Variants in TAOK3 observed in about 807,000 individuals in gnomAD.
TAOK3 encodes the protein TAO kinase 3.
In TAOK3, 40 loss-of-function variants were observed where a neutral mutation model predicts 120.4. That is an observed-to-expected ratio of 0.33 (90% CI 0.26 to 0.43). The LOEUF (loss-of-function observed/expected upper bound fraction) is 0.43, where lower values mean the gene tolerates loss of function less well. Among genes scored for constraint, TAOK3 ranks in the 20% least tolerant of loss-of-function variants. TAOK3 has a pLI of 1.00. For synonymous variants in TAOK3, 355 were observed against 387.5 expected, an observed-to-expected ratio of 0.92 and a Z score of 0.99; for missense variants, 821 against 1,112.1, an observed-to-expected ratio of 0.74 and a Z score of 3.72.
At chr12:118,266,185 GATTTTT>G (rs765627739) in intron 2 of TAOK3, among the ~76,000 whole-genome samples, 1 of 151,944 alleles carries the variant, frequency 6.6e-6, no homozygotes, top group Non-Finnish European at 1.5e-5. Context: ...GAAACTCAAA[GATTTTT>G]ATTTTTATTT....
Position 118,371,436 on chromosome 12 carries a change from T to C in TAOK3, c.-194+1212A>G, listed in dbSNP as rs2045888744. Among the ~76,000 whole-genome samples the C allele has an allele frequency of 6.6e-6, 1 of 152,054 alleles. No homozygotes were observed. The highest frequency in any genetic ancestry group is 2.4e-5 in the African/African-American group (1 of 41,394). The stretch of plus-strand genomic sequence containing the variant: ...CGCAGGTCTCTTGATCATTCCAAGA[T>C]CTTTGTCCTGCAGCCAGCCCCACCA... On this transcript the variant is annotated intron_variant, in intron 1 of 20. Coordinates refer to ENST00000392533, the MANE Select transcript of TAOK3 (RefSeq NM_016281.4). This position sits in a 1 kb window ranked among gnomAD's most constrained non-coding sequence, Gnocchi z 5.5.
Position 118,255,546 on chromosome 12 carries a change from C to T in TAOK3, c.22G>A (p.Asp8Asn). 1 of 1,614,026 alleles carries T rather than the reference C, an allele frequency of 6.2e-7. No homozygotes were observed. Among genetic ancestry groups the T allele is most frequent in the Non-Finnish European group, 8.5e-7 (1 of 1,179,932 alleles). The change falls in exon 3 of 21, where the codon GAC becomes AAC. Residue 8 changes from aspartate to asparagine, a missense_variant. By Grantham distance (23) the Asp-to-Asn change is conservative. Coordinates refer to ENST00000392533, the MANE Select transcript of TAOK3 (RefSeq NM_016281.4). Reference protein sequence around the residue: MRKGVLKDPEIADLFYKD... With the variant: MRKGVLKNPEIADLFYKD... ...TAGAATAGATCGGCAATCTCTGGGT[C>T]CTTCAGCACCCCTTTACGCATGATG...
intron 3 of TAOK3, among the ~76,000 whole-genome samples, chr12:118,248,127 C>T (rs924314825): frequency 2.2e-4 from 33 of 149,994 alleles, no homozygotes; most frequent in Non-Finnish European, 3.4e-4. Context: ...TTTTTAAAAA[C>T]GGTTAATTCA....
chr12:118,154,025 C>T (rs897614373), intron 19 of TAOK3, among the ~76,000 whole-genome samples: 1 of 152,152 alleles, frequency 6.6e-6, no homozygotes, highest in African/African-American at 2.4e-5. Flanking sequence ...GGATAAGAGA[C>T]ACTAGACACA....
At chr12:118,167,037 G>A (rs2035647052) in intron 17 of TAOK3, among the ~76,000 whole-genome samples, 1 of 152,082 alleles carries the variant, frequency 6.6e-6, no homozygotes, top group South Asian at 2.1e-4. Context: ...GCTCACTGAG[G>A]TTGAGTAAAA....
At chr12:118,194,768 C>T (rs2037625186) in intron 13 of TAOK3, among the ~76,000 whole-genome samples, 1 of 151,894 alleles carries the variant, frequency 6.6e-6, no homozygotes, top group Admixed American at 6.6e-5. Flanking sequence ...CTCCACCAGA[C>T]GGAGTCTTTG....
intron 3 of TAOK3, among the ~76,000 whole-genome samples, chr12:118,249,887 T>G (rs2040676633): frequency 6.6e-6 from 1 of 152,134 alleles, no homozygotes. Flanking sequence ...CTTTTTGCCC[T>G]ATTTTTTGAA....
chr12:118,151,759 G>T (rs886312732), intron 20 of TAOK3, among the ~76,000 whole-genome samples: 1 of 152,176 alleles, frequency 6.6e-6, no homozygotes, highest in Non-Finnish European at 1.5e-5. Context: ...GAATATTTCA[G>T]TTGGGATAAC....
At chr12:118,281,753 A>G (rs2042106283) in intron 1 of TAOK3, among the ~76,000 whole-genome samples, 1 of 151,502 alleles carries the variant, frequency 6.6e-6, no homozygotes, top group African/African-American at 2.4e-5. Flanking sequence ...ACTCTGCCTC[A>G]GAAAAAAAAA....
At chr12:118,174,791 G>A (rs547556175) in intron 16 of TAOK3, among the ~76,000 whole-genome samples, 1 of 152,096 alleles carries the variant, frequency 6.6e-6, no homozygotes, top group East Asian at 1.9e-4. Flanking sequence ...AACCTCCTGA[G>A]TAGCTGGGAT....
At chr12:118,157,521 C>T (rs2034920324) in intron 19 of TAOK3, among the ~76,000 whole-genome samples, 2 of 152,230 alleles carry the variant, frequency 1.3e-5, no homozygotes. Context: ...TCCCAATGTT[C>T]ACACGTTCCT....
rs912011111 is a variant in TAOK3 at position 118,372,429 on chromosome 12, CAG to C, written c.-194+217_-194+218del. 2.0e-5 allele frequency among the ~76,000 whole-genome samples: 3 copies of C among 151,522 alleles called. No individual in the cohort carries two copies. Among genetic ancestry groups the C allele is most frequent in the Admixed American group, 2.0e-4 (3 of 15,252 alleles). ...GGCCCCTCTTGGAGACCCCTCCCCTCAGACTTTCAGTCTTGGACCCTCTCGGA... is the reference window on the plus strand; with the variant it reads ...GGCCCCTCTTGGAGACCCCTCCCCTCACTTTCAGTCTTGGACCCTCTCGGA... On this transcript the variant is annotated intron_variant, in intron 1 of 20. Transcript: ENST00000392533. This position sits in a 1 kb window ranked among gnomAD's most constrained non-coding sequence, Gnocchi z 4.6.
chr12:118,188,610 G>A (rs2037219857), intron 14 of TAOK3, among the ~76,000 whole-genome samples: 1 of 152,128 alleles, frequency 6.6e-6, no homozygotes, highest in African/African-American at 2.4e-5. Flanking sequence ...TTGCATTTGG[G>A]TTTTTAAAGG....
chr12:118,158,805 C>A (rs1451055365), intron 19 of TAOK3, among the ~76,000 whole-genome samples: 1 of 152,184 alleles, frequency 6.6e-6, no homozygotes, highest in Admixed American at 6.5e-5. Context: ...AAACTCCTGG[C>A]TTCTGAGGCT....
At chr12:118,287,116 G>A (rs138538495) in intron 1 of TAOK3, among the ~76,000 whole-genome samples, 2,842 of 152,230 alleles carry the variant, frequency 0.019, 76 homozygotes, top group East Asian at 0.067. Flanking sequence ...TGTGTGCAGT[G>A]TATACTGCTT....
chr12:118,238,759 T>G (rs1237041463), intron 6 of TAOK3, among the ~76,000 whole-genome samples: 1 of 151,966 alleles, frequency 6.6e-6, no homozygotes, highest in Non-Finnish European at 1.5e-5. Flanking sequence ...CTCAGACTCC[T>G]AAGTAGCTGG....
At chr12:118,278,342 T>C (rs1355832718) in intron 1 of TAOK3, among the ~76,000 whole-genome samples, 1 of 152,158 alleles carries the variant, frequency 6.6e-6, no homozygotes, top group Non-Finnish European at 1.5e-5. Context: ...CCCTTCTTTG[T>C]ATCCAAATGT....
chr12:118,212,212 A>C (rs909362476), intron 11 of TAOK3, among the ~76,000 whole-genome samples: 2 of 152,246 alleles, frequency 1.3e-5, no homozygotes, highest in African/African-American at 4.8e-5. Context: ...GAGACGGAAG[A>C]AACAGAAAGG....
rs764169395 is a variant in TAOK3 at position 118,214,104 on chromosome 12, C to T, written c.650G>A (p.Arg217Gln). 9.3e-6 allele frequency: 15 copies of T among 1,607,744 alleles called. No homozygotes were observed. Among genetic ancestry groups the T allele is most frequent in the Middle Eastern group, 1.6e-4 (1 of 6,078 alleles). Residue 217 changes from arginine to glutamine, a missense_variant, in exon 10 of 21, where the codon CGG becomes CAG. This residue lies in a region of TAOK3 where 467 missense variants were observed against 540.0 expected (regional missense o/e 0.86). Coordinates refer to ENST00000392533, the MANE Select transcript of TAOK3 (RefSeq NM_016281.4). The stretch of plus-strand genomic sequence containing the variant: ...ATTCATGTTGAAAAGGGGCGGCTTC[C>T]GTTCCGCTGGAAGAGGAAAGAAACA... ...LGITCIELAE[R>Q]KPPLFNMNAM...
Sources: allele counts gnomAD v4.1 joint callset (sites outside exome capture counted in the v4.1 genomes callset), GRCh38; gene constraint gnomAD v4.1.1; regional missense constraint gnomAD v4.1.1; non-coding constraint Gnocchi (gnomAD v3.1); transcripts MANE v1.5; gene names NCBI Gene and HGNC (gene_info 2026-07-23, HGNC 2026-07-21).